The following FAM3A variants were observed in gnomAD, a reference collection of about 807,000 sequenced individuals.
The protein encoded by FAM3A is FAM3 metabolism regulating signaling molecule A.
A neutral mutation model predicts 18.1 loss-of-function variants in FAM3A; 5 were observed. The ratio of observed to expected loss-of-function variants is 0.28; its 90% CI spans 0.14 to 0.58. The LOEUF (loss-of-function observed/expected upper bound fraction) is 0.58. FAM3A is among the 20% of genes least tolerant of loss of function. The pLI is 0.91. For synonymous variants in FAM3A, 108 were observed against 90.2 expected (o/e 1.20, Z -1.12); for missense variants, 154 against 216.6 (o/e 0.71, Z 1.81).
Position 154,506,556 on chromosome X carries a change from G to T in FAM3A, c.*255C>A. On this transcript the variant is annotated 3_prime_UTR_variant, in exon 9 of 9. Transcript: ENST00000447601. ...GACAGGGCTAGATGGGCTGACCGGGGGGAACAGTGTTACGAAAAGGAGGCG... is the reference window on the plus strand; with the variant it reads ...GACAGGGCTAGATGGGCTGACCGGGTGGAACAGTGTTACGAAAAGGAGGCG... The T allele has an allele frequency of 1.0e-5, 4 of 392,310 alleles. No homozygotes were observed. In the South Asian group the frequency reaches 1.1e-4, roughly 11 times the overall value. 32.3% of individuals were successfully genotyped at this position (392,310 alleles called of 1,213,427 possible). A position where few individuals can be genotyped will look rare whatever the true frequency, so the allele number is the denominator to read the frequency against.
At chrX:154,508,213 G>T in intron 5 of FAM3A, 76 bp downstream of exon 5, 1 of 800,681 alleles carries the variant, frequency 1.2e-6, no homozygotes, top group Non-Finnish European at 1.7e-6. Flanking sequence ...GGGGAAGGGA[G>T]GGCAAACACC....
chrX:154,507,585 T>G, intron 6 of FAM3A, 95 bp from the exon 7 acceptor site: 3 of 983,931 alleles, frequency 3.0e-6, no homozygotes, highest in Non-Finnish European at 4.2e-6. Flanking sequence ...GAAGTAGGGA[T>G]TGGGCCTGGG....
chrX:154,515,878 C>T lies in FAM3A; in HGVS notation c.-106G>A, dbSNP rs2070169600. On this transcript the variant is annotated 5_prime_UTR_variant, in exon 1 of 9. Coordinates refer to ENST00000447601, the MANE Select transcript of FAM3A (RefSeq NM_021806.4). ...TCAGGGGCAAGCCTGTGCGGGACCCCTGCTGGGGGCGGGCGCGATCGGTGC... is the reference window on the plus strand; with the variant it reads ...TCAGGGGCAAGCCTGTGCGGGACCCTTGCTGGGGGCGGGCGCGATCGGTGC... The T allele has an allele frequency of 1.7e-5, 15 of 876,700 alleles. No homozygotes were observed. The highest frequency in any genetic ancestry group is 2.5e-5 in the Non-Finnish European group (15 of 603,679). 72.2% of individuals were successfully genotyped at this position (876,700 alleles called of 1,213,427 possible).
rs191003005 is a variant in FAM3A at position 154,506,570 on chromosome X, G to A, written c.*241C>T. The A allele has an allele frequency of 2.6e-4, 104 of 405,355 alleles. No individual in the cohort carries two copies. The highest frequency in any genetic ancestry group is 6.9e-4 in the Middle Eastern group (1 of 1,439). 33.4% of individuals were successfully genotyped at this position (405,355 alleles called of 1,213,427 possible). A position where few individuals can be genotyped will look rare whatever the true frequency, so the allele number is the denominator to read the frequency against. ...GGCTGACCGGGGGGAACAGTGTTACGAAAAGGAGGCGGGTACCCTGGGCTC... is the reference window on the plus strand; with the variant it reads ...GGCTGACCGGGGGGAACAGTGTTACAAAAAGGAGGCGGGTACCCTGGGCTC... On this transcript the variant is annotated 3_prime_UTR_variant, in exon 9 of 9. Coordinates refer to ENST00000447601, the MANE Select transcript of FAM3A (RefSeq NM_021806.4).
At chrX:154,510,832 T>G (rs999904906) in intron 3 of FAM3A, 1 of 108,204 alleles carries the variant, frequency 9.2e-6, no homozygotes, top group Non-Finnish European at 1.9e-5. Context: ...GAGGCTGAGG[T>G]GGGAGAATCG....
intron 1 of FAM3A, 57 bp downstream of exon 1, chrX:154,515,703 G>T (rs1305383852): frequency 1.7e-6 from 2 of 1,183,860 alleles, no homozygotes; most frequent in Admixed American, 4.3e-5. Flanking sequence ...CGCGACGCTG[G>T]GCCTCCAGCC....
In FAM3A at chrX:154,507,496, G is replaced by A; in HGVS notation, c.386-6C>T. ...CTTCAACAGGTCGTTGACATCTGGG[G>A]GGGCAGGTGCCACGGAACAGGGGTC... On this transcript the variant is annotated splice_region_variant and splice_polypyrimidine_tract_variant and intron_variant, in intron 6 of 8. Coordinates refer to ENST00000447601, the MANE Select transcript of FAM3A (RefSeq NM_021806.4). The A allele has an allele frequency of 8.3e-7, 1 of 1,207,733 alleles. No individual in the cohort carries two copies. The highest frequency in any genetic ancestry group is 1.1e-6 in the Non-Finnish European group (1 of 893,688).
rs2070167190 is a variant in FAM3A at position 154,515,840 on chromosome X, G to A, written c.-68C>T. On this transcript the variant is annotated 5_prime_UTR_variant, in exon 1 of 9. Transcript: ENST00000447601. ...GTTTGGGGGCAAAGCGGAAGGACAG[G>A]TTTGGGTGGGGGTCAGGGGCAAGCC... 1.8e-6 allele frequency: 2 copies of A among 1,135,762 alleles called. No homozygotes were observed. The highest frequency in any genetic ancestry group is 2.4e-6 in the Non-Finnish European group (2 of 830,203). 93.6% of individuals were successfully genotyped at this position (1,135,762 alleles called of 1,213,427 possible). A position where few individuals can be genotyped will look rare whatever the true frequency, so the allele number is the denominator to read the frequency against.
rs2070168626 is a variant in FAM3A, at chrX:154,515,867, G to C, written c.-95C>G. On this transcript the variant is annotated 5_prime_UTR_variant, in exon 1 of 9. Transcript: ENST00000447601. Reference sequence around the variant, plus strand: ...TTGGGTGGGGGTCAGGGGCAAGCCTGTGCGGGACCCCTGCTGGGGGCGGGC... The same window carrying C: ...TTGGGTGGGGGTCAGGGGCAAGCCTCTGCGGGACCCCTGCTGGGGGCGGGC... 1.0e-6 allele frequency: 1 copy of C among 986,975 alleles called. No homozygotes were observed. The highest frequency in any genetic ancestry group is 1.9e-5 in the African/African-American group (1 of 52,910). The allele number at this position is 986,975 out of a possible 1,213,427, so 81.3% of individuals were successfully genotyped here.
chrX:154,507,644 G>A lies in FAM3A; in HGVS notation c.386-154C>T, dbSNP rs782208352. Reference sequence around the variant, plus strand: ...TGGTGTAGGAAGCTGAGGCATCCCCGTGACCTCCCACAGCCTCCAGACCAA... The same window carrying A: ...TGGTGTAGGAAGCTGAGGCATCCCCATGACCTCCCACAGCCTCCAGACCAA... On this transcript the variant is annotated intron_variant, in intron 6 of 8. Coordinates refer to ENST00000447601, the MANE Select transcript of FAM3A (RefSeq NM_021806.4). 118 of 798,983 alleles carry A rather than the reference G, an allele frequency of 1.5e-4. 1 individual carries two copies. Among genetic ancestry groups the A allele is most frequent in the Admixed American group, 3.5e-4 (13 of 37,470 alleles). 65.8% of individuals were successfully genotyped at this position (798,983 alleles called of 1,213,427 possible). A position where few individuals can be genotyped will look rare whatever the true frequency, so the allele number is the denominator to read the frequency against.
chrX:154,510,208 A>G (rs1230922712), intron 3 of FAM3A: 2 of 111,410 alleles, frequency 1.8e-5, no homozygotes, highest in East Asian at 2.8e-4. Context: ...CTCTACAAAA[A>G]ATACAAAATA....
intron 1 of FAM3A, among the ~76,000 whole-genome samples, chrX:154,513,354 G>A (rs782651426): frequency 8.9e-6 from 1 of 111,872 alleles, no homozygotes; most frequent in East Asian, 2.8e-4. Context: ...AGTCCCGGCC[G>A]GGCGCAGTGG....
Position 154,514,391 on chromosome X carries a change from G to A in FAM3A, c.13+1369C>T, listed in dbSNP as rs782018114. Among the ~76,000 whole-genome samples the A allele has an allele frequency of 6.6e-5, 7 of 105,602 alleles. No homozygotes were observed. The East Asian group carries it at 8.9e-4, about 13-fold the overall frequency. The allele number at this position is 105,602 out of a possible 115,157, so 91.7% of individuals were successfully genotyped here. A position where few individuals can be genotyped will look rare whatever the true frequency, so the allele number is the denominator to read the frequency against. ...CCCAAGTAGCTGGGATTACAGGCGC[G>A]CACCACCGTGCCTGGCTAATTTTTT... On this transcript the variant is annotated intron_variant, in intron 1 of 8. Transcript: ENST00000447601.
At chrX:154,510,512 T>G (rs1157656876) in intron 3 of FAM3A, 2 of 68,109 alleles carry the variant, frequency 2.9e-5, no homozygotes, top group Non-Finnish European at 5.3e-5. Context: ...AGCAACAGAG[T>G]AAGACCTCTG....
intron 3 of FAM3A, chrX:154,509,234 G>A (rs984832961): frequency 2.7e-4 from 37 of 136,163 alleles, no homozygotes; most frequent in African/African-American, 1.1e-3. Flanking sequence ...TACAGTGGAG[G>A]AAGAGACAGG....
Position 154,515,899 on chromosome X carries a change from G to C in FAM3A, c.-127C>G. The C allele has an allele frequency of 2.9e-6, 2 of 697,446 alleles. No homozygotes were observed. Among genetic ancestry groups the C allele is most frequent in the Non-Finnish European group, 2.2e-6 (1 of 450,386 alleles). The allele number at this position is 697,446 out of a possible 1,213,427, so 57.5% of individuals were successfully genotyped here. On this transcript the variant is annotated 5_prime_UTR_variant, in exon 1 of 9. Transcript: ENST00000447601. ...ACCCCTGCTGGGGGCGGGCGCGATC[G>C]GTGCTACGACCTGTTTGTCCAGCCG...
intron 3 of FAM3A, chrX:154,509,266 G>C (rs2069736870): frequency 7.8e-6 from 1 of 127,996 alleles, no homozygotes; most frequent in South Asian, 2.5e-4. Flanking sequence ...CAGAGGCCAA[G>C]GTATGCCTGG....
chrX:154,508,235 T>C (rs2069665061), intron 5 of FAM3A, 54 bp downstream of exon 5: 1 of 968,527 alleles, frequency 1.0e-6, no homozygotes, highest in Non-Finnish European at 1.4e-6. Context: ...AGAGGCCTCC[T>C]GGGGAGGGAG....
At chrX:154,508,265 G>C in intron 5 of FAM3A, 24 bp downstream of exon 5, 1 of 1,071,448 alleles carries the variant, frequency 9.3e-7, no homozygotes, top group Non-Finnish European at 1.2e-6. Flanking sequence ...AGGGCGGCAG[G>C]CCACGCTCAG....
Sources: allele counts gnomAD v4.1 joint callset (sites outside exome capture counted in the v4.1 genomes callset), GRCh38; gene constraint gnomAD v4.1.1; transcripts MANE v1.5; gene names NCBI Gene and HGNC (gene_info 2026-07-23, HGNC 2026-07-21).